HSPA12A: variants seen among roughly 807,000 people sequenced by gnomAD.
HSPA12A encodes heat shock 70 kDa protein 12A.
Under a neutral mutation model 69.2 loss-of-function variants are expected in HSPA12A, and 28 were observed. The ratio of observed to expected loss-of-function variants is 0.40; its 90% confidence interval spans 0.30 to 0.55. HSPA12A has a LOEUF of 0.55. Among genes scored for constraint, HSPA12A ranks in the 20% least tolerant of loss-of-function variants. The pLI is 0.38. For missense variants in HSPA12A, 686 were observed against 900.7 expected, an observed-to-expected ratio of 0.76 and a Z score of 3.05; for synonymous variants, 345 against 370.5, an observed-to-expected ratio of 0.93 and a Z score of 0.79.
At chr10:116,698,870 G>A in intron 4 of HSPA12A, 131 bp from the exon 5 acceptor site, 1 of 692,780 alleles carries the variant, frequency 1.4e-6, no homozygotes, top group Non-Finnish European at 2.5e-6. Context: ...TGCTTAAAGA[G>A]GCAGACTAGG....
intron 2 of HSPA12A, among the ~76,000 whole-genome samples, chr10:116,804,090 G>A (rs1012816539): frequency 2.0e-5 from 3 of 152,094 alleles, no homozygotes; most frequent in African/African-American, 7.2e-5. Context: ...CGGTCGACAG[G>A]CACATACGCA....
intron 1 of HSPA12A, chr10:116,835,406 T>C (rs1244163046): frequency 6.6e-6 from 1 of 152,654 alleles, no homozygotes; most frequent in East Asian, 1.9e-4. Context: ...CTTTCTCCAT[T>C]TACCTTGGAG....
At chr10:116,756,968 T>C (rs557862511) in intron 2 of HSPA12A, among the ~76,000 whole-genome samples, 2 of 152,320 alleles carry the variant, frequency 1.3e-5, no homozygotes, top group South Asian at 2.1e-4. Flanking sequence ...ATGTAACTCA[T>C]TGTGGATTAT....
chr10:116,800,860 C>A (rs575693992), intron 2 of HSPA12A, among the ~76,000 whole-genome samples: 1 of 152,162 alleles, frequency 6.6e-6, no homozygotes, highest in Non-Finnish European at 1.5e-5. Context: ...AGCCTTGAAG[C>A]CTTGAAAAAT....
At chr10:116,737,296 T>C (rs577404879) in intron 1 of HSPA12A, among the ~76,000 whole-genome samples, 68 of 152,298 alleles carry the variant, frequency 4.5e-4, no homozygotes, top group African/African-American at 1.6e-3. Context: ...TGTACCAGGC[T>C]CATACCTAAG....
intron 2 of HSPA12A, among the ~76,000 whole-genome samples, chr10:116,822,607 G>C (rs1845426088): frequency 6.6e-6 from 1 of 152,138 alleles, no homozygotes; most frequent in African/African-American, 2.4e-5. Flanking sequence ...GATGGCTTGG[G>C]GACTGGTTGG....
chr10:116,780,360 T>C (rs1474258852), intron 2 of HSPA12A, among the ~76,000 whole-genome samples: 2 of 151,488 alleles, frequency 1.3e-5, no homozygotes, highest in African/African-American at 2.4e-5. Context: ...ATAATAATTA[T>C]TATTATTTTG....
At chr10:116,835,127 C>A (rs763693071) in intron 1 of HSPA12A, 2 of 615,412 alleles carry the variant, frequency 3.2e-6, no homozygotes, top group Non-Finnish European at 4.6e-6. Flanking sequence ...AGAGGCAGCA[C>A]CCGGCAGGAG....
intron 1 of HSPA12A, among the ~76,000 whole-genome samples, chr10:116,720,562 G>A (rs1407443836): frequency 6.6e-6 from 1 of 152,256 alleles, no homozygotes; most frequent in Non-Finnish European, 1.5e-5. Flanking sequence ...TCCTGCTGGG[G>A]TGCTGCAGGC....
At chr10:116,725,942 G>A (rs7909807) in intron 1 of HSPA12A, among the ~76,000 whole-genome samples, 42,525 of 151,416 alleles carry the variant, frequency 0.28, 6,514 homozygotes, top group African/African-American at 0.37. Context: ...ATAGGACTCC[G>A]TTTACAGAAT....
At chr10:116,830,412 T>C (rs1186810023) in intron 2 of HSPA12A, 2 of 152,222 alleles carry the variant, frequency 1.3e-5, no homozygotes, top group East Asian at 3.8e-4. Flanking sequence ...TATGCACATA[T>C]ATACATATTG....
chr10:116,727,328 G>A (rs965533047), intron 1 of HSPA12A, among the ~76,000 whole-genome samples: 4 of 152,112 alleles, frequency 2.6e-5, no homozygotes, highest in African/African-American at 4.8e-5. Context: ...GCTGTCGGTC[G>A]GGGGCCTCAG....
chr10:116,768,810 AT>A (rs1157279411), intron 2 of HSPA12A, among the ~76,000 whole-genome samples: 1 of 151,390 alleles, frequency 6.6e-6, no homozygotes, highest in African/African-American at 2.4e-5. Context: ...CGGCTCAATT[AT>A]TTTTTTTTAA....
At chr10:116,705,328 T>C (rs1416782586) in intron 2 of HSPA12A, 50 bp from the exon 3 acceptor site, 29 of 1,609,878 alleles carry the variant, frequency 1.8e-5, no homozygotes, top group Non-Finnish European at 2.3e-5. Flanking sequence ...GGGCCTGGCT[T>C]TCAGGAAGAC....
chr10:116,838,311 G>A (rs1352248765), intron 1 of HSPA12A, among the ~76,000 whole-genome samples: 1 of 152,186 alleles, frequency 6.6e-6, no homozygotes, highest in African/African-American at 2.4e-5. Flanking sequence ...TGTGTGGGAG[G>A]GAGGCAGGGG....
chr10:116,706,889 C>G (rs1456699509), intron 2 of HSPA12A, among the ~76,000 whole-genome samples: 1 of 152,190 alleles, frequency 6.6e-6, no homozygotes, highest in Non-Finnish European at 1.5e-5. Flanking sequence ...GGCTCTGACC[C>G]TGAATCTTTA....
chr10:116,833,336 C>G (rs1314369885), intron 2 of HSPA12A: 3 of 152,350 alleles, frequency 2.0e-5, no homozygotes, highest in Middle Eastern at 3.4e-3. Flanking sequence ...TGCCATAGGA[C>G]TGCTTCTTTG....
intron 1 of HSPA12A, among the ~76,000 whole-genome samples, chr10:116,727,664 C>T (rs1454230977): frequency 6.6e-6 from 1 of 151,244 alleles, no homozygotes; most frequent in African/African-American, 2.4e-5. Flanking sequence ...ACTTTCAGTA[C>T]AGTATTCAAT....
At chr10:116,684,050 G>A (rs1849502349) in intron 6 of HSPA12A, 88 bp from the exon 7 acceptor site, 7 of 1,147,228 alleles carry the variant, frequency 6.1e-6, no homozygotes, top group South Asian at 1.7e-5. Flanking sequence ...CATCCCTAAG[G>A]AGGGCGCACT....
Sources: allele counts gnomAD v4.1 joint callset (sites outside exome capture counted in the v4.1 genomes callset), GRCh38; gene constraint gnomAD v4.1.1; transcripts MANE v1.5; gene names NCBI Gene and HGNC (gene_info 2026-07-23, HGNC 2026-07-21).